The following PHACTR3 variants were observed in gnomAD, a reference collection of about 807,000 sequenced individuals.
The protein encoded by PHACTR3 is protein phosphatase 1, regulatory subunit 123.
PHACTR3 carries 16 observed loss-of-function variants against 66.8 expected under a neutral mutation model. The observed-to-expected ratio is 0.24, with a 90% CI of 0.16 to 0.36. PHACTR3 has a LOEUF of 0.36. PHACTR3 is among the 10% of genes least tolerant of loss of function. The probability of loss-of-function intolerance (pLI) is 1.00; values close to 1 mark genes in which losing one functional copy is unlikely to be tolerated. For missense variants in PHACTR3, 647 were observed against 719.9 expected (o/e 0.90, Z 1.16); for synonymous variants, 323 against 292.1 (o/e 1.11, Z -1.08).
intron 1 of PHACTR3, among the ~76,000 whole-genome samples, chr20:59,708,035 G>A (rs549693863): frequency 5.3e-5 from 8 of 152,014 alleles, no homozygotes; most frequent in Non-Finnish European, 1.0e-4. Flanking sequence ...GATTCTCATT[G>A]GCCCAGCCTG....
At chr20:59,634,952 G>T (rs1311450505) in intron 1 of PHACTR3, among the ~76,000 whole-genome samples, 1 of 152,128 alleles carries the variant, frequency 6.6e-6, no homozygotes, top group East Asian at 1.9e-4. Flanking sequence ...CACCACACCG[G>T]CTCAGAGTAG....
chr20:59,631,688 A>G (rs1214256778), intron 1 of PHACTR3, among the ~76,000 whole-genome samples: 1 of 152,224 alleles, frequency 6.6e-6, no homozygotes, highest in East Asian at 1.9e-4. Flanking sequence ...GGAATTTCAA[A>G]TCCAAAGAGT....
intron 1 of PHACTR3, among the ~76,000 whole-genome samples, chr20:59,620,309 G>T (rs929216752): frequency 6.6e-6 from 1 of 152,150 alleles, no homozygotes; most frequent in African/African-American, 2.4e-5. Context: ...TCATCAAAAA[G>T]AAGAAATTAG....
chr20:59,827,610 A>T (rs1335989605), intron 8 of PHACTR3, among the ~76,000 whole-genome samples: 1 of 152,088 alleles, frequency 6.6e-6, no homozygotes, highest in African/African-American at 2.4e-5. Flanking sequence ...TGCACCCAGG[A>T]GGTGGAGGAC....
At position 59,820,304 on chromosome 20, in the gene PHACTR3, A is replaced by G. The variant is rs2041998134; in HGVS notation, c.1328+14110A>G. ...GCAGGCTCTGTGTGGTATTGTGGGC[A>G]GAAATCAACCTCAGCCCTAAAGGGA... is the stretch of plus-strand genomic sequence containing the variant. On this transcript the variant is annotated intron_variant, in intron 8 of 12. Coordinates refer to ENST00000371015, the MANE Select transcript of PHACTR3 (RefSeq NM_080672.5). The surrounding 1 kb of genome is among the most constrained non-coding windows in gnomAD (Gnocchi z 4.6). Among the ~76,000 whole-genome samples the G allele has an allele frequency of 1.3e-5, 2 of 152,260 alleles. No individual in the cohort carries two copies. Among genetic ancestry groups the G allele is most frequent in the South Asian group, 2.1e-4 (1 of 4,836 alleles).
Position 59,816,891 on chromosome 20 carries a change from G to A in PHACTR3, c.1328+10697G>A, listed in dbSNP as rs574119338. Among the ~76,000 whole-genome samples, 3 of 152,292 alleles carry A rather than the reference G, an allele frequency of 2.0e-5. No individual in the cohort carries two copies. The South Asian group carries it at 6.2e-4, about 32-fold the overall frequency. On this transcript the variant is annotated intron_variant, in intron 8 of 12. Coordinates refer to ENST00000371015, the MANE Select transcript of PHACTR3 (RefSeq NM_080672.5). ...GAGACAGCTGGATGAATAGGTAGATGGGTGGATAAGTGGTGGGATGTTGTG... is the reference window on the plus strand; with the variant it reads ...GAGACAGCTGGATGAATAGGTAGATAGGTGGATAAGTGGTGGGATGTTGTG...
chr20:59,842,589 G>T (rs145817118), intron 11 of PHACTR3, among the ~76,000 whole-genome samples: 1,656 of 152,232 alleles, frequency 0.011, 46 homozygotes, highest in Non-Finnish European at 9.4e-3. Context: ...CAGGTCCCTC[G>T]AGTGTTTATC....
chr20:59,843,188 C>T (rs748757122), intron 11 of PHACTR3, among the ~76,000 whole-genome samples: 1 of 151,948 alleles, frequency 6.6e-6, no homozygotes, highest in Non-Finnish European at 1.5e-5. Flanking sequence ...AGGAAAACTA[C>T]AAAACAATGA....
rs1398136387 is a variant in PHACTR3, at chr20:59,767,544, G to A, written c.751+149G>A. 2.5e-5 allele frequency: 24 copies of A among 965,976 alleles called. No individual in the cohort carries two copies. The South Asian group carries it at 3.7e-4, about 15-fold the overall frequency. 59.8% of individuals were successfully genotyped at this position (965,976 alleles called of 1,614,324 possible). A position where few individuals can be genotyped will look rare whatever the true frequency, so the allele number is the denominator to read the frequency against. On this transcript the variant is annotated intron_variant, in intron 5 of 12. Transcript: ENST00000371015. ...CATACCTTCAACCAGTCTTGATTGG[G>A]CACCAACTGTGGGCTGGTTCTCATC... is the stretch of plus-strand genomic sequence containing the variant.
intron 1 of PHACTR3, among the ~76,000 whole-genome samples, chr20:59,728,398 C>T (rs200400527): frequency 1.3e-5 from 2 of 152,044 alleles, no homozygotes; most frequent in African/African-American, 2.4e-5. Context: ...GCTCCACTTC[C>T]GGGTATCTAA....
intron 1 of PHACTR3, among the ~76,000 whole-genome samples, chr20:59,739,644 C>T (rs1238668792): frequency 1.3e-5 from 2 of 152,148 alleles, no homozygotes. Context: ...CTCCCTGATC[C>T]AATCACCTCC....
intron 1 of PHACTR3, among the ~76,000 whole-genome samples, chr20:59,695,360 C>T (rs534330914): frequency 6.6e-6 from 1 of 152,240 alleles, no homozygotes; most frequent in Admixed American, 6.5e-5. Context: ...GCACCTCCTG[C>T]TTCATTCTCT....
intron 7 of PHACTR3, among the ~76,000 whole-genome samples, chr20:59,792,894 AT>A: frequency 6.6e-6 from 1 of 151,654 alleles, no homozygotes. Flanking sequence ...ATTTTATTTT[AT>A]TTTTTTAGAG....
Position 59,639,164 on chromosome 20 carries a change from G to A in PHACTR3, c.118+34032G>A, listed in dbSNP as rs1361652623. ...TATGAGTGGGTAGGTGGGTGGGTGG[G>A]TCTGTGGATGGATGGATGAGTGGGT... On this transcript the variant is annotated intron_variant, in intron 1 of 12. Coordinates refer to ENST00000371015, the MANE Select transcript of PHACTR3 (RefSeq NM_080672.5). 2.6e-5 allele frequency among the ~76,000 whole-genome samples: 4 copies of A among 151,850 alleles called. No homozygotes were observed. In the South Asian group the frequency reaches 6.2e-4, roughly 24 times the overall value.
At chr20:59,682,729 T>G (rs1313269790) in intron 1 of PHACTR3, among the ~76,000 whole-genome samples, 1 of 152,134 alleles carries the variant, frequency 6.6e-6, no homozygotes, top group African/African-American at 2.4e-5. Context: ...GCAAGAGCCT[T>G]TGGGGCAAAG....
chr20:59,597,324 C>T (rs558953272), intron 1 of PHACTR3, among the ~76,000 whole-genome samples: 2 of 152,330 alleles, frequency 1.3e-5, no homozygotes, highest in East Asian at 3.9e-4. Flanking sequence ...TTGTTACCTC[C>T]TCCTCTTCCT....
Position 59,605,119 on chromosome 20 carries a change from C to T in PHACTR3, c.105C>T (p.Ala35=). The change falls in exon 1 of 13, where the codon GCC becomes GCT. Residue 35 remains alanine, a synonymous_variant. Coordinates refer to ENST00000371015, the MANE Select transcript of PHACTR3 (RefSeq NM_080672.5). ...CCTCGGCCACCTCCTCCGCGGACGC[C>T]GGGGAGAACCCAGGTAACGGGCTGG... ...TDSSATSSAD[A]GENPDEMDQT... is the part of the protein sequence containing the mutation. 5 of 880,598 alleles carry T rather than the reference C, an allele frequency of 5.7e-6. No individual in the cohort carries two copies. The highest frequency in any genetic ancestry group is 2.4e-5 in the South Asian group (1 of 42,486). The allele number at this position is 880,598 out of a possible 1,614,324, so 54.5% of individuals were successfully genotyped here.
At chr20:59,748,426 C>T (rs1215690631) in intron 3 of PHACTR3, among the ~76,000 whole-genome samples, 2 of 152,162 alleles carry the variant, frequency 1.3e-5, no homozygotes, top group Admixed American at 6.5e-5. Flanking sequence ...AGCAGAGACA[C>T]AGAACAAATC....
intron 1 of PHACTR3, among the ~76,000 whole-genome samples, chr20:59,699,614 A>C (rs1438162349): frequency 6.6e-6 from 1 of 152,180 alleles, no homozygotes; most frequent in African/African-American, 2.4e-5. Context: ...CAGCATGAAA[A>C]GGTGCACACT....
Sources: gnomAD v4.1 joint callset for allele counts (sites outside exome capture counted in the v4.1 genomes callset) on GRCh38, gnomAD v4.1.1 for gene constraint, Gnocchi (gnomAD v3.1) non-coding constraint, MANE v1.5 for transcripts, NCBI Gene and HGNC (gene_info 2026-07-23, HGNC 2026-07-21) for gene names.